The following PABPC1 variants were observed in gnomAD, a reference collection of about 807,000 sequenced individuals.
PABPC1 encodes the protein poly(A) binding protein cytoplasmic 1.
PABPC1 carries 4 observed loss-of-function variants against 74.0 expected under a neutral mutation model. The ratio of observed to expected loss-of-function variants is 0.05; its 90% CI spans 0.03 to 0.12. The LOEUF is 0.12. Ranked by LOEUF, PABPC1 falls within the 10% of genes least tolerant of loss-of-function variation. The pLI is 1.00. For synonymous variants in PABPC1, 227 were observed against 264.1 expected (o/e 0.86, Z 1.36); for missense variants, 271 against 821.1 (o/e 0.33, Z 8.19).
chr8:100,704,147 T>A, intron 14 of PABPC1, 150 bp downstream of exon 14: 1 of 666,770 alleles, frequency 1.5e-6, no homozygotes, highest in Non-Finnish European at 2.7e-6. Context: ...TCCTCTATAG[T>A]TAGTTCCACT....
chr8:100,712,259 A>G (rs1810547536), intron 7 of PABPC1, 103 bp downstream of exon 7: 1 of 657,508 alleles, frequency 1.5e-6, no homozygotes, highest in South Asian at 2.4e-5. Context: ...GTAACGAAGC[A>G]AACACCTCTC....
intron 1 of PABPC1, 135 bp from the exon 2 acceptor site, chr8:100,718,415 A>G (rs1299479070): frequency 1.2e-5 from 8 of 679,094 alleles, no homozygotes; most frequent in Non-Finnish European, 2.0e-5. Flanking sequence ...AAGCTTCAAG[A>G]TGGCTAGACC....
At chr8:100,714,770 A>T (rs1810623092) in intron 4 of PABPC1, among the ~76,000 whole-genome samples, 1 of 152,128 alleles carries the variant, frequency 6.6e-6, no homozygotes, top group African/African-American at 2.4e-5. Flanking sequence ...TTGACATATT[A>T]AAAAAAGCAA....
chr8:100,717,901 A>G lies in PABPC1; in HGVS notation c.388-13T>C. 6.8e-7 allele frequency: 1 copy of G among 1,463,334 alleles called. No homozygotes were observed. Among genetic ancestry groups the G allele is most frequent in the Non-Finnish European group, 9.4e-7 (1 of 1,064,482 alleles). 90.6% of individuals were successfully genotyped at this position (1,463,334 alleles called of 1,614,324 possible). A position where few individuals can be genotyped will look rare whatever the true frequency, so the allele number is the denominator to read the frequency against. On this transcript the variant is annotated splice_polypyrimidine_tract_variant and intron_variant, in intron 2 of 14. Coordinates refer to ENST00000318607, the MANE Select transcript of PABPC1 (RefSeq NM_002568.4). ...CATCACAAACCACCTAGGGAAAAAC[A>G]TATACCCATTTTTCTTTATTTGCTA...
At chr8:100,707,153 A>C (rs1428374436) in intron 9 of PABPC1, 156 bp from the exon 10 acceptor site, 1 of 566,426 alleles carries the variant, frequency 1.8e-6, no homozygotes, top group Non-Finnish European at 3.2e-6. Flanking sequence ...TCCCAGACTC[A>C]GAGCATCAAT....
In PABPC1 at chr8:100,706,632, G is replaced by T; in HGVS notation, c.1602+19C>A. ...ACCCAAGAAATGTGATTTTTATTAA[G>T]AAATCATTAAATCCATACCTGTTGC... is the stretch of plus-strand genomic sequence containing the variant. On this transcript the variant is annotated intron_variant, in intron 11 of 14. Transcript: ENST00000318607. The T allele has an allele frequency of 6.3e-7, 1 of 1,591,178 alleles. No individual in the cohort carries two copies. Among genetic ancestry groups the T allele is most frequent in the Non-Finnish European group, 8.6e-7 (1 of 1,167,262 alleles).
At position 100,704,033 on chromosome 8, in the gene PABPC1, C is replaced by T. The variant is rs114161490; in HGVS notation, c.*1+264G>A. ...TCGCGTCAATGCACTCCAGGTTGGG[C>T]GACAGAACGAAACTCCATCTCAAAA... On this transcript the variant is annotated intron_variant, in intron 14 of 14. Coordinates refer to ENST00000318607, the MANE Select transcript of PABPC1 (RefSeq NM_002568.4). 3,010 of 316,608 alleles carry T rather than the reference C, an allele frequency of 9.5e-3. 100 individuals carry two copies. The highest frequency in any genetic ancestry group is 0.079 in the African/African-American group (2,765 of 34,856). The allele number at this position is 316,608 out of a possible 1,614,324, so 19.6% of individuals were successfully genotyped here.
chr8:100,720,934 C>T (rs894781852), intron 1 of PABPC1, among the ~76,000 whole-genome samples: 3 of 152,174 alleles, frequency 2.0e-5, no homozygotes, highest in African/African-American at 4.8e-5. Flanking sequence ...TTACAGGGTT[C>T]AACACGTGGT....
rs34116624 is a variant in PABPC1 at position 100,704,054 on chromosome 8, C to CAAA, written c.*1+240_*1+242dup. ...TGGGCGACAGAACGAAACTCCATCT[C>CAAA]AAAAAAAAAAAAAAAAAAAAACACC... On this transcript the variant is annotated intron_variant, in intron 14 of 14. Coordinates refer to ENST00000318607, the MANE Select transcript of PABPC1 (RefSeq NM_002568.4). The CAAA allele has an allele frequency of 6.3e-3, 1,109 of 177,274 alleles. 16 individuals are homozygous for CAAA. Among genetic ancestry groups the CAAA allele is most frequent in the African/African-American group, 0.028 (779 of 28,320 alleles). 11.0% of individuals were successfully genotyped at this position (177,274 alleles called of 1,614,324 possible).
chr8:100,704,068 A>AC, intron 14 of PABPC1: 1 of 403,382 alleles, frequency 2.5e-6, no homozygotes, highest in African/African-American at 2.2e-5. Context: ...AAAAAAAAAA[A>AC]AAAAAAACAC....
At position 100,721,633 on chromosome 8, in the gene PABPC1, G is replaced by A. The variant is rs1423008565; in HGVS notation, c.-50C>T. On this transcript the variant is annotated 5_prime_UTR_variant, in exon 1 of 15. Coordinates refer to ENST00000318607, the MANE Select transcript of PABPC1 (RefSeq NM_002568.4). The surrounding 1 kb of genome is among the most constrained non-coding windows in gnomAD (Gnocchi z 7.4). The stretch of plus-strand genomic sequence containing the variant: ...ACAGGCCGCGACCTTTCCGTGAGAG[G>A]AGGAGAGCGAGTGCCGGGGCTGGGG... 2 of 1,378,950 alleles carry A rather than the reference G, an allele frequency of 1.5e-6. No individual in the cohort carries two copies. Among genetic ancestry groups the A allele is most frequent in the South Asian group, 1.6e-5 (1 of 61,642 alleles). 85.4% of individuals were successfully genotyped at this position (1,378,950 alleles called of 1,614,324 possible).
At position 100,713,725 on chromosome 8, in the gene PABPC1, T is replaced by G. The variant is rs528482979; in HGVS notation, c.644-544A>C. The stretch of plus-strand genomic sequence containing the variant: ...CTAGTCTAAAACTTGTGGCTTCAAG[T>G]ATCTTCCCTCTTTGACCTCCCCAAG... On this transcript the variant is annotated intron_variant, in intron 4 of 14. Coordinates refer to ENST00000318607, the MANE Select transcript of PABPC1 (RefSeq NM_002568.4). 2.0e-3 allele frequency among the ~76,000 whole-genome samples: 300 copies of G among 152,276 alleles called. 2 individuals carry two copies. The highest frequency in any genetic ancestry group is 7.0e-3 in the African/African-American group (292 of 41,572).
At chr8:100,717,411 A>G (rs915673680) in intron 3 of PABPC1, among the ~76,000 whole-genome samples, 1 of 152,122 alleles carries the variant, frequency 6.6e-6, no homozygotes, top group African/African-American at 2.4e-5. Context: ...CTCAAGAATT[A>G]TGAATATTAG....
intron 4 of PABPC1, 138 bp downstream of exon 4, chr8:100,715,324 A>G (rs1810641445): frequency 2.8e-6 from 2 of 712,330 alleles, no homozygotes; most frequent in South Asian, 4.8e-5. Flanking sequence ...CAGCAGCTTA[A>G]TTCAAATAAC....
At chr8:100,713,862 G>A (rs1197111116) in intron 4 of PABPC1, among the ~76,000 whole-genome samples, 1 of 152,146 alleles carries the variant, frequency 6.6e-6, no homozygotes, top group Non-Finnish European at 1.5e-5. Flanking sequence ...CAACAGGAGT[G>A]GAAGGAATAC....
intron 4 of PABPC1, among the ~76,000 whole-genome samples, chr8:100,714,214 T>C (rs1191292255): frequency 6.6e-6 from 1 of 152,252 alleles, no homozygotes; most frequent in East Asian, 1.9e-4. Flanking sequence ...GCAGCATTAC[T>C]CATACGGTAG....
chr8:100,703,741 T>A (rs543732659), intron 14 of PABPC1, among the ~76,000 whole-genome samples: 58 of 152,160 alleles, frequency 3.8e-4, no homozygotes, highest in Non-Finnish European at 6.9e-4. Context: ...ACAGGTCATT[T>A]TATATATATA....
chr8:100,706,961 G>A lies in PABPC1; in HGVS notation c.1373C>T (p.Ala458Val), dbSNP rs894637152. ...CATAGTACTAAATGGTGGTCTAGGA[G>A]CAGCTGGGCGGATAGCACCGGGCAT... ...QNMPGAIRPA[A>V]PRPPFSTMRP... The change falls in exon 10 of 15, where the codon GCT (alanine) becomes GTT (valine). Residue 458 changes from alanine (A) to valine (V), a missense_variant. By Grantham distance (64) the Ala-to-Val change is moderately conservative. This residue lies in a region of PABPC1 where 103 missense variants were observed against 245.3 expected (regional missense o/e 0.42). Coordinates refer to ENST00000318607, the MANE Select transcript of PABPC1 (RefSeq NM_002568.4). 6.2e-7 allele frequency: 1 copy of A among 1,614,030 alleles called. No individual in the cohort carries two copies. The highest frequency in any genetic ancestry group is 8.5e-7 in the Non-Finnish European group (1 of 1,180,004).
chr8:100,708,001 G>GT (rs1455879833), intron 9 of PABPC1, among the ~76,000 whole-genome samples: 1 of 152,110 alleles, frequency 6.6e-6, no homozygotes, highest in Non-Finnish European at 1.5e-5. Context: ...GTATGGCCTG[G>GT]TTTTTCCTAG....
Sources: gnomAD v4.1 joint callset for allele counts (sites outside exome capture counted in the v4.1 genomes callset) on GRCh38, gnomAD v4.1.1 for gene constraint, gnomAD v4.1.1 regional missense constraint, Gnocchi (gnomAD v3.1) non-coding constraint, MANE v1.5 for transcripts, NCBI Gene and HGNC (gene_info 2026-07-23, HGNC 2026-07-21) for gene names.